CCDC7: variants seen among roughly 807,000 people sequenced by gnomAD.
CCDC7 encodes the protein coiled-coil domain-containing protein 7.
CCDC7 carries 183 observed loss-of-function variants against 196.9 expected under a neutral mutation model. That is an observed-to-expected ratio of 0.93 (90% CI 0.82 to 1.05). CCDC7 has a LOEUF of 1.05. Among genes scored for constraint, CCDC7 ranks in the 50% least tolerant of loss-of-function variants. CCDC7 has a pLI of 0.00. For synonymous variants in CCDC7, 525 were observed against 484.6 expected, an observed-to-expected ratio of 1.08 and a Z score of -1.10; for missense variants, 1,540 against 1,482.2, an observed-to-expected ratio of 1.04 and a Z score of -0.64.
chr10:32,849,291 A>C (rs1222707711), intron 39 of CCDC7, among the ~76,000 whole-genome samples: 2 of 152,094 alleles, frequency 1.3e-5, no homozygotes, highest in Non-Finnish European at 2.9e-5. Context: ...GGGCTAACTT[A>C]TGCATTTCTG....
intron 13 of CCDC7, among the ~76,000 whole-genome samples, chr10:32,547,791 T>C (rs2052723934): frequency 6.6e-6 from 1 of 152,212 alleles, no homozygotes; most frequent in African/African-American, 2.4e-5. Context: ...ATTTATTTAT[T>C]TTTAAATTTA....
intron 20 of CCDC7, 85 bp from the exon 22 acceptor site, chr10:32,663,969 A>T (rs561930293): frequency 2.6e-6 from 1 of 382,742 alleles, no homozygotes; most frequent in East Asian, 3.7e-5. Flanking sequence ...GAGACAGAAT[A>T]TGGCTGTATA....
exon 1 of CCDC7, chr10:32,451,796 G>T: frequency 6.2e-7 from 1 of 1,614,018 alleles, no homozygotes; most frequent in Non-Finnish European, 8.5e-7. Context: ...TGAACCAATG[G>T]TCCTAAGATC....
intron 18 of CCDC7, among the ~76,000 whole-genome samples, chr10:32,591,058 A>G (rs2059733943): frequency 1.3e-5 from 2 of 152,078 alleles, no homozygotes; most frequent in Admixed American, 1.3e-4. Context: ...ATCTCTTTGA[A>G]TAAACTTTTT....
At position 32,502,045 on chromosome 10, in the gene CCDC7, C is replaced by T. The variant is rs11817989; in HGVS notation, c.872+10048C>T. On this transcript the variant is annotated intron_variant, in intron 9 of 41. Transcript: ENST00000639629. ...TTACACTGTAAGGTAAAACCACCTA[C>T]TCAAGCCTCAGCAATGGTGGATGCC... is the stretch of plus-strand genomic sequence containing the variant. Among the ~76,000 whole-genome samples, 1,238 of 152,314 alleles carry T rather than the reference C, an allele frequency of 8.1e-3. 15 individuals are homozygous for T. The highest frequency in any genetic ancestry group is 0.014 in the Non-Finnish European group (954 of 68,022).
At chr10:32,578,360 A>C (rs1278611177) in intron 16 of CCDC7, among the ~76,000 whole-genome samples, 1 of 151,952 alleles carries the variant, frequency 6.6e-6, no homozygotes, top group African/African-American at 2.4e-5. Context: ...GGATGATTCA[A>C]GCACATTACC....
intron 41 of CCDC7, among the ~76,000 whole-genome samples, chr10:32,871,665 C>T (rs2094435888): frequency 6.6e-6 from 1 of 152,060 alleles, no homozygotes; most frequent in South Asian, 2.1e-4. Flanking sequence ...TTTGCTCTTG[C>T]TTCTCTCGTT....
chr10:32,570,659 A>C (rs1182200951), intron 15 of CCDC7, among the ~76,000 whole-genome samples: 1 of 152,204 alleles, frequency 6.6e-6, no homozygotes, highest in Admixed American at 6.5e-5. Flanking sequence ...GCTATCAGAA[A>C]AGAATATGGA....
At chr10:32,446,179 C>G (rs376209773) in exon 1 of CCDC7, 1 of 152,166 alleles carries the variant, frequency 6.6e-6, no homozygotes, top group Non-Finnish European at 1.5e-5. Flanking sequence ...GCCCGGCGGT[C>G]TTTGCTGCCG....
At chr10:32,806,128 A>G (rs1346448297) in intron 30 of CCDC7, among the ~76,000 whole-genome samples, 2 of 152,238 alleles carry the variant, frequency 1.3e-5, no homozygotes. Context: ...TGGGGATTAC[A>G]TTTCAACATG....
At position 32,590,893 on chromosome 10, in the gene CCDC7, T is replaced by G. The variant is rs565032205; in HGVS notation, c.1801+6589T>G. Among the ~76,000 whole-genome samples, 51 of 152,320 alleles carry G rather than the reference T, an allele frequency of 3.3e-4. No individual in the cohort carries two copies. In the East Asian group the frequency reaches 9.6e-3, roughly 29 times the overall value. On this transcript the variant is annotated intron_variant, in intron 18 of 41. Transcript: ENST00000639629. ...TGTATGTTACTTGTTTTTTTCCCTC[T>G]TGCTGCTTTTAGGATTCTTTCTTTA... is the stretch of plus-strand genomic sequence containing the variant.
chr10:32,552,576 T>A (rs2053645338), intron 13 of CCDC7, among the ~76,000 whole-genome samples: 1 of 152,236 alleles, frequency 6.6e-6, no homozygotes, highest in African/African-American at 2.4e-5. Context: ...GTTTCAAGAT[T>A]CAGAGCTCAT....
intron 18 of CCDC7, among the ~76,000 whole-genome samples, chr10:32,612,662 T>A (rs770258160): frequency 9.9e-5 from 15 of 152,186 alleles, no homozygotes; most frequent in African/African-American, 4.8e-5. Context: ...CTTTTCTACA[T>A]CTATTGAGAT....
intron 21 of CCDC7, among the ~76,000 whole-genome samples, chr10:32,680,686 A>T (rs756383751): frequency 6.6e-6 from 1 of 152,164 alleles, no homozygotes; most frequent in Non-Finnish European, 1.5e-5. Flanking sequence ...AGACAGCATT[A>T]TCTATTTGCC....
At chr10:32,517,874 A>T (rs2047286944) in intron 9 of CCDC7, 71 bp from the exon 11 acceptor site, 4 of 1,532,416 alleles carry the variant, frequency 2.6e-6, no homozygotes, top group Non-Finnish European at 3.5e-6. Flanking sequence ...AAAAAAAGAA[A>T]ATGTGTGTGT....
At chr10:32,501,223 C>T (rs891059903) in intron 9 of CCDC7, among the ~76,000 whole-genome samples, 15 of 152,066 alleles carry the variant, frequency 9.9e-5, no homozygotes, top group African/African-American at 3.6e-4. Context: ...TGTTTTTCAG[C>T]TCCATCAGGT....
intron 24 of CCDC7, among the ~76,000 whole-genome samples, chr10:32,700,947 G>T (rs1462667772): frequency 1.3e-5 from 2 of 152,194 alleles, no homozygotes; most frequent in South Asian, 2.1e-4. Flanking sequence ...AGCTTAAGGA[G>T]ATTTTGGGCT....
intron 24 of CCDC7, among the ~76,000 whole-genome samples, chr10:32,699,672 A>G (rs531586551): frequency 6.7e-6 from 1 of 149,532 alleles, no homozygotes; most frequent in South Asian, 2.1e-4. Context: ...TCCCACCAAC[A>G]GTGTAAAAGC....
chr10:32,492,086 T>C, intron 9 of CCDC7, 89 bp downstream of exon 10: 1 of 1,289,800 alleles, frequency 7.8e-7, no homozygotes, highest in Non-Finnish European at 1.0e-6. Context: ...AATATGTTCA[T>C]TGAAAAAAGT....
Sources: allele counts gnomAD v4.1 joint callset (sites outside exome capture counted in the v4.1 genomes callset), GRCh38; gene constraint gnomAD v4.1.1; transcripts MANE v1.5; gene names NCBI Gene and HGNC (gene_info 2026-07-23, HGNC 2026-07-21).